The following FILIP1L variants were observed in gnomAD, a reference collection of about 807,000 sequenced individuals.
FILIP1L encodes filamin A-interacting protein 1-like.
Under a neutral mutation model 96.6 loss-of-function variants are expected in FILIP1L, and 55 were observed. The ratio of observed to expected loss-of-function variants is 0.57; its 90% CI spans 0.46 to 0.71. FILIP1L has a LOEUF of 0.71. FILIP1L is among the 30% of genes least tolerant of loss of function. The probability of loss-of-function intolerance (pLI) is 0.00; values close to 1 mark genes in which losing one functional copy is unlikely to be tolerated. For synonymous variants in FILIP1L, 467 were observed against 473.9 expected (o/e 0.99, Z 0.19); for missense variants, 1,304 against 1,321.2 (o/e 0.99, Z 0.20).
intron 1 of FILIP1L, among the ~76,000 whole-genome samples, chr3:100,006,790 CG>C (rs1559722809): frequency 6.6e-6 from 1 of 152,108 alleles, no homozygotes; most frequent in Admixed American, 6.6e-5. Context: ...TTAATAATTG[CG>C]GCATGTCAGC....
intron 1 of FILIP1L, among the ~76,000 whole-genome samples, chr3:99,995,315 C>A (rs1162450139): frequency 6.6e-6 from 1 of 152,194 alleles, no homozygotes; most frequent in Admixed American, 6.5e-5. Flanking sequence ...CTCCTTTATC[C>A]CCAGGTCTCA....
intron 1 of FILIP1L, among the ~76,000 whole-genome samples, chr3:100,013,210 T>G (rs530757532): frequency 7.4e-6 from 1 of 134,668 alleles, no homozygotes; most frequent in South Asian, 2.5e-4. Flanking sequence ...TCAAGGCCAG[T>G]GAGGTGTTGT....
At chr3:99,858,477 T>A (rs887919177) in intron 4 of FILIP1L, among the ~76,000 whole-genome samples, 31 of 151,818 alleles carry the variant, frequency 2.0e-4, no homozygotes, top group East Asian at 5.8e-4. Flanking sequence ...AAATAAAATT[T>A]AAAAAAAATC....
At chr3:100,019,982 T>G (rs942473231) in intron 1 of FILIP1L, among the ~76,000 whole-genome samples, 1 of 152,180 alleles carries the variant, frequency 6.6e-6, no homozygotes, top group African/African-American at 2.4e-5. Flanking sequence ...CTGTGTGTAT[T>G]ATGTGCAATT....
At chr3:99,973,987 A>C (rs1708896904) in intron 1 of FILIP1L, among the ~76,000 whole-genome samples, 1 of 152,238 alleles carries the variant, frequency 6.6e-6, no homozygotes, top group South Asian at 2.1e-4. Context: ...TAGCTGGCTG[A>C]ATTGCTGTGT....
intron 4 of FILIP1L, among the ~76,000 whole-genome samples, chr3:99,862,761 A>G (rs1251450938): frequency 6.6e-6 from 1 of 152,142 alleles, no homozygotes; most frequent in Non-Finnish European, 1.5e-5. Context: ...TGGCCTGTAT[A>G]ACTCTTCTTA....
At chr3:100,055,879 C>A (rs953520869) in intron 1 of FILIP1L, among the ~76,000 whole-genome samples, 1 of 152,178 alleles carries the variant, frequency 6.6e-6, no homozygotes, top group African/African-American at 2.4e-5. Context: ...TTTTTCATAA[C>A]TACCTTCAAG....
Position 99,849,245 on chromosome 3 carries a change from C to A in FILIP1L, c.2431G>T (p.Asp811Tyr), listed in dbSNP as rs746276150. The A allele has an allele frequency of 6.2e-7, 1 of 1,614,158 alleles. No individual in the cohort carries two copies. The highest frequency in any genetic ancestry group is 8.5e-7 in the Non-Finnish European group (1 of 1,180,032). The change falls in exon 5 of 6, where the codon GAT becomes TAT. Residue 811 changes from aspartate to tyrosine, a missense_variant. Asp to Tyr is a radical substitution (Grantham distance 160). Transcript: ENST00000477258. ...QTEAVDNEPP[D>Y]YKSLIPLERA... The stretch of plus-strand genomic sequence containing the variant: ...TCCAGAGGAATGAGGCTCTTGTAAT[C>A]AGGTGGTTCATTGTCTACTGCTTCT...
At chr3:99,998,501 G>A (rs970176362) in intron 1 of FILIP1L, among the ~76,000 whole-genome samples, 3 of 152,156 alleles carry the variant, frequency 2.0e-5, no homozygotes, top group East Asian at 1.9e-4. Context: ...AGGGAAGTAG[G>A]GAAGTAGGAC....
Position 99,832,560 on chromosome 3 carries a change from A to G in FILIP1L, c.3382-1955T>C, listed in dbSNP as rs78586315. ...CAAATCTTTAAAAAAAAAAAAAAAA[A>G]GGCCTAGCGCAGTGGCTCATACCTG... On this transcript the variant is annotated intron_variant, in intron 5 of 5. Coordinates refer to ENST00000477258, the MANE Select transcript of FILIP1L (RefSeq NM_001387850.1). Among the ~76,000 whole-genome samples the G allele has an allele frequency of 2.0e-3, 240 of 120,766 alleles. 4 individuals carry two copies. The highest frequency in any genetic ancestry group is 3.8e-3 in the African/African-American group (118 of 30,736). 79.2% of individuals were successfully genotyped at this position (120,766 alleles called of 152,430 possible).
intron 1 of FILIP1L, among the ~76,000 whole-genome samples, chr3:99,949,350 G>A (rs1708108864): frequency 6.6e-6 from 1 of 152,064 alleles, no homozygotes; most frequent in African/African-American, 2.4e-5. Context: ...CTCCATAGTT[G>A]GCAACTGGCT....
intron 1 of FILIP1L, among the ~76,000 whole-genome samples, chr3:99,952,093 G>C (rs1468826532): frequency 2.0e-5 from 3 of 151,918 alleles, no homozygotes; most frequent in African/African-American, 7.3e-5. Flanking sequence ...CTGTTAAAGA[G>C]AATATATAGA....
intron 1 of FILIP1L, chr3:100,075,439 A>T (rs2065834872): frequency 2.0e-5 from 3 of 152,164 alleles, no homozygotes; most frequent in Admixed American, 6.5e-5. Flanking sequence ...GGTTAGGAAG[A>T]CCATAATTTG....
chr3:100,071,293 G>A (rs903848581), intron 1 of FILIP1L, among the ~76,000 whole-genome samples: 1 of 152,064 alleles, frequency 6.6e-6, no homozygotes, highest in African/African-American at 2.4e-5. Flanking sequence ...GGGTAAGATG[G>A]AGAAACTTGT....
chr3:100,075,504 C>T (rs914822041), intron 1 of FILIP1L: 1 of 151,254 alleles, frequency 6.6e-6, no homozygotes, highest in Non-Finnish European at 1.5e-5. Context: ...AAGCTTTATT[C>T]GAAGCTTCGG....
intron 1 of FILIP1L, among the ~76,000 whole-genome samples, chr3:99,951,614 A>G (rs906975196): frequency 3.3e-5 from 5 of 152,042 alleles, no homozygotes; most frequent in Non-Finnish European, 7.4e-5. Flanking sequence ...TTGTACCATC[A>G]TTGCTGCCTG....
intron 1 of FILIP1L, among the ~76,000 whole-genome samples, chr3:99,971,838 G>A (rs922858724): frequency 6.6e-6 from 1 of 152,108 alleles, no homozygotes; most frequent in Non-Finnish European, 1.5e-5. Flanking sequence ...GAATAATGAC[G>A]TTGGGGCCTC....
chr3:99,986,269 G>T (rs1015700742), intron 1 of FILIP1L, among the ~76,000 whole-genome samples: 1 of 152,170 alleles, frequency 6.6e-6, no homozygotes, highest in Non-Finnish European at 1.5e-5. Context: ...AATGGGATAT[G>T]TCCCAGGAAC....
At chr3:99,930,669 G>A in intron 2 of FILIP1L, 100 bp downstream of exon 2, 1 of 1,307,176 alleles carries the variant, frequency 7.7e-7, no homozygotes, top group Non-Finnish European at 1.1e-6. Flanking sequence ...GTACACACAT[G>A]TATGAACCAC....
Sources: allele counts gnomAD v4.1 joint callset (sites outside exome capture counted in the v4.1 genomes callset), GRCh38; gene constraint gnomAD v4.1.1; transcripts MANE v1.5; gene names NCBI Gene and HGNC (gene_info 2026-07-23, HGNC 2026-07-21).